Variants in SLC25A26 observed in about 807,000 individuals in gnomAD.
SLC25A26 encodes solute carrier family 25 member 26, also known as mitochondrial S-adenosylmethionine carrier protein.
Under a neutral mutation model 37.8 loss-of-function variants are expected in SLC25A26, and 36 were observed. The ratio of observed to expected loss-of-function variants is 0.95; its 90% CI spans 0.73 to 1.26. The LOEUF (loss-of-function observed/expected upper bound fraction) is 1.26. SLC25A26 is among the 50% of genes most tolerant of loss of function. The pLI is 0.00. For missense variants in SLC25A26, 390 were observed against 331.1 expected (o/e 1.18, Z -1.38); for synonymous variants, 129 against 122.5 (o/e 1.05, Z -0.35).
chr3:66,300,995 G>A (rs191638226), intron 5 of SLC25A26, among the ~76,000 whole-genome samples: 39 of 152,090 alleles, frequency 2.6e-4, no homozygotes, highest in African/African-American at 8.4e-4. Flanking sequence ...TGCTTTTTAT[G>A]TCTCAATAAA....
chr3:66,229,343 T>C (rs982620328), intron 1 of SLC25A26, among the ~76,000 whole-genome samples: 2 of 152,228 alleles, frequency 1.3e-5, no homozygotes, highest in Admixed American at 1.3e-4. Flanking sequence ...AAGACTGATA[T>C]GGTTTGGCTG....
intron 5 of SLC25A26, among the ~76,000 whole-genome samples, chr3:66,343,870 T>C (rs1458754311): frequency 6.6e-6 from 1 of 152,220 alleles, no homozygotes; most frequent in Non-Finnish European, 1.5e-5. Context: ...GATAATTAAT[T>C]GGAAATATAA....
At chr3:66,296,966 C>A (rs760754416) in intron 5 of SLC25A26, among the ~76,000 whole-genome samples, 2 of 152,178 alleles carry the variant, frequency 1.3e-5, no homozygotes, top group Non-Finnish European at 2.9e-5. Context: ...AGCCATGTGA[C>A]AAGAGTCCAG....
At chr3:66,256,029 T>A (rs1367750932) in intron 3 of SLC25A26, among the ~76,000 whole-genome samples, 1 of 152,194 alleles carries the variant, frequency 6.6e-6, no homozygotes, top group East Asian at 1.9e-4. Flanking sequence ...AAGCATGAAG[T>A]TCCATAAATA....
At chr3:66,302,150 G>T (rs1195540942) in intron 5 of SLC25A26, among the ~76,000 whole-genome samples, 1 of 152,178 alleles carries the variant, frequency 6.6e-6, no homozygotes, top group Non-Finnish European at 1.5e-5. Context: ...CATCTGTTGT[G>T]CAGAAGTATA....
At chr3:66,256,416 G>T (rs1363080240) in intron 3 of SLC25A26, among the ~76,000 whole-genome samples, 1 of 151,700 alleles carries the variant, frequency 6.6e-6, no homozygotes, top group Non-Finnish European at 1.5e-5. Context: ...AAAATCTTTG[G>T]TCCATAATAA....
chr3:66,290,923 G>A (rs1014231651), intron 5 of SLC25A26, among the ~76,000 whole-genome samples: 1 of 152,108 alleles, frequency 6.6e-6, no homozygotes, highest in Admixed American at 6.6e-5. Flanking sequence ...GGTAGAATTC[G>A]GCTGTGAATC....
intron 5 of SLC25A26, among the ~76,000 whole-genome samples, chr3:66,272,858 G>C (rs893404563): frequency 2.6e-4 from 39 of 152,202 alleles, no homozygotes; most frequent in Admixed American, 1.5e-3. Context: ...AGAGGGCATC[G>C]CTGTCTTGTG....
upstream of SLC25A26, among the ~76,000 whole-genome samples, chr3:66,216,437 G>A (rs932728632): frequency 3.3e-5 from 5 of 152,060 alleles, no homozygotes; most frequent in South Asian, 2.1e-4. Context: ...GCTTGAACCC[G>A]GAGGTTGAGG....
At chr3:66,272,152 A>G (rs182781562) in intron 5 of SLC25A26, among the ~76,000 whole-genome samples, 15 of 152,292 alleles carry the variant, frequency 9.8e-5, no homozygotes, top group Admixed American at 7.2e-4. Context: ...AGTTGTTTAC[A>G]TACATTATTT....
chr3:66,214,279 T>C (rs2071329263), intron 1 of SLC25A26, among the ~76,000 whole-genome samples: 1 of 152,162 alleles, frequency 6.6e-6, no homozygotes, highest in Non-Finnish European at 1.5e-5. Context: ...CCTTCTGCCA[T>C]GAATAAAAGC....
chr3:66,146,759 T>C (rs1268509834), intron 1 of SLC25A26, among the ~76,000 whole-genome samples: 1 of 152,104 alleles, frequency 6.6e-6, no homozygotes, highest in African/African-American at 2.4e-5. Context: ...AGTGGCGAAT[T>C]CTGAGATTTT....
intron 5 of SLC25A26, among the ~76,000 whole-genome samples, chr3:66,307,982 G>A (rs568442008): frequency 1.3e-5 from 2 of 152,194 alleles, no homozygotes; most frequent in African/African-American, 4.8e-5. Context: ...TTGGCTATAC[G>A]GGTCTTCTTT....
At chr3:66,195,481 T>G (rs2071030500) in intron 1 of SLC25A26, among the ~76,000 whole-genome samples, 1 of 152,190 alleles carries the variant, frequency 6.6e-6, no homozygotes, top group African/African-American at 2.4e-5. Flanking sequence ...CTTTCCTCAG[T>G]AGGAAGAACG....
chr3:66,244,324 A>G (rs2072724271), intron 3 of SLC25A26, among the ~76,000 whole-genome samples: 1 of 152,226 alleles, frequency 6.6e-6, no homozygotes, highest in African/African-American at 2.4e-5. Context: ...GTCTCAAAAC[A>G]TATAAAGCAA....
intron 6 of SLC25A26, among the ~76,000 whole-genome samples, chr3:66,357,283 C>T (rs924136653): frequency 6.6e-6 from 1 of 152,102 alleles, no homozygotes; most frequent in African/African-American, 2.4e-5. Flanking sequence ...GCATGATGGC[C>T]CTTGCCCATA....
chr3:66,335,264 T>G (rs1204233893), intron 5 of SLC25A26, among the ~76,000 whole-genome samples: 1 of 151,894 alleles, frequency 6.6e-6, no homozygotes, highest in Non-Finnish European at 1.5e-5. Flanking sequence ...TGGTGCTGTT[T>G]TCTATTATCA....
intron 1 of SLC25A26, among the ~76,000 whole-genome samples, chr3:66,200,852 C>T (rs1050946426): frequency 1.3e-5 from 2 of 152,136 alleles, no homozygotes; most frequent in East Asian, 1.9e-4. Flanking sequence ...GTAACTGCTT[C>T]CCGAGAAAAT....
intron 1 of SLC25A26, among the ~76,000 whole-genome samples, chr3:66,175,662 A>T (rs1466925388): frequency 2.0e-5 from 3 of 152,202 alleles, no homozygotes; most frequent in Non-Finnish European, 4.4e-5. Flanking sequence ...CAGGCTTGAG[A>T]CCTAGGAAAC....
Sources: gnomAD v4.1 joint callset for allele counts (sites outside exome capture counted in the v4.1 genomes callset) on GRCh38, gnomAD v4.1.1 for gene constraint, MANE v1.5 for transcripts, NCBI Gene and HGNC (gene_info 2026-07-23, HGNC 2026-07-21) for gene names.